The following IRS1 variants were observed in gnomAD, a reference collection of about 807,000 sequenced individuals.
IRS1 encodes insulin receptor substrate 1.
A neutral mutation model predicts 65.6 loss-of-function variants in IRS1; 34 were observed. That is an observed-to-expected ratio of 0.52 (90% CI 0.39 to 0.69). The LOEUF (loss-of-function observed/expected upper bound fraction) is 0.69. Among genes scored for constraint, IRS1 ranks in the 30% least tolerant of loss-of-function variants. The pLI, the probability that IRS1 is intolerant of heterozygous loss-of-function variation, is 0.00. For missense variants in IRS1, 1,641 were observed against 1,720.2 expected, an observed-to-expected ratio of 0.95 and a Z score of 0.81; for synonymous variants, 699 against 683.5, an observed-to-expected ratio of 1.02 and a Z score of -0.35.
At chr2:226,736,960 A>G (rs1177865171) in intron 1 of IRS1, among the ~76,000 whole-genome samples, 2 of 151,604 alleles carry the variant, frequency 1.3e-5, no homozygotes, top group South Asian at 4.2e-4. Flanking sequence ...TTATTATTAT[A>G]CTTTAAGTTT....
chr2:226,765,255 T>C (rs1939009901), intron 1 of IRS1, among the ~76,000 whole-genome samples: 1 of 152,286 alleles, frequency 6.6e-6, no homozygotes, highest in African/African-American at 2.4e-5. Context: ...CATATTCTTT[T>C]CTTAGAAAAA....
chr2:226,789,617 C>A (rs565194806), intron 1 of IRS1, among the ~76,000 whole-genome samples: 1 of 152,176 alleles, frequency 6.6e-6, no homozygotes, highest in Non-Finnish European at 1.5e-5. Context: ...CACAAACACA[C>A]CACCCCTGAA....
rs780282946 is a variant in IRS1 at position 226,798,459 on chromosome 2, C to T, written c.280G>A (p.Ala94Thr). ...TCGGCCTCGCTGTCCGCCGCGATGG[C>T]AAAGTGCTCGTCCCGGGTGTAGAGA... Reference protein sequence around the residue: ...VALYTRDEHFAIAADSEAEQD... With the variant: ...VALYTRDEHFTIAADSEAEQD... The change falls in exon 1 of 2, where the codon GCC becomes ACC. Residue 94 changes from alanine (A) to threonine (T), a missense_variant. By Grantham distance (58) the Ala-to-Thr change is moderately conservative. This residue lies in a region of IRS1 where 240 missense variants were observed against 229.6 expected (regional missense o/e 1.05). Transcript: ENST00000305123. This position sits in a 1 kb window ranked among gnomAD's most constrained non-coding sequence, Gnocchi z 9.4. 3 of 1,614,164 alleles carry T rather than the reference C, an allele frequency of 1.9e-6. No homozygotes were observed. The Admixed American group carries it at 5.0e-5, about 27-fold the overall frequency.
intron 1 of IRS1, among the ~76,000 whole-genome samples, chr2:226,745,147 A>G (rs1938514167): frequency 6.6e-6 from 1 of 152,226 alleles, no homozygotes; most frequent in African/African-American, 2.4e-5. Flanking sequence ...ACAAAAGTCA[A>G]TGTAAAAGGA....
rs1235661843 is a variant in IRS1, at chr2:226,797,641, G to T, written c.1098C>A (p.His366Gln). 5 of 1,590,688 alleles carry T rather than the reference G, an allele frequency of 3.1e-6. No homozygotes were observed. Among genetic ancestry groups the T allele is most frequent in the Middle Eastern group, 1.7e-4 (1 of 6,002 alleles). The change falls in exon 1 of 2, where the codon CAC becomes CAA. Residue 366 changes from histidine (H) to glutamine (Q), a missense_variant. By Grantham distance (24) the His-to-Gln change is conservative. Around this residue, in one of 3 missense-constraint regions of IRS1, gnomAD observed 1,324 missense variants for 1,361.0 expected, o/e 0.97. Coordinates refer to ENST00000305123, the MANE Select transcript of IRS1 (RefSeq NM_005544.3). This position sits in a 1 kb window ranked among gnomAD's most constrained non-coding sequence, Gnocchi z 8.1. Reference sequence around the variant, plus strand: ...TGGAGCGGCTGTGGTTGAGCGGGGGGTGCAGCCGGGCGCTGCCCCGATGCC... The same window carrying T: ...TGGAGCGGCTGTGGTTGAGCGGGGGTTGCAGCCGGGCGCTGCCCCGATGCC... ...AHRHRGSARL[H>Q]PPLNHSRSIP...
rs1296318189 is a variant in IRS1, at chr2:226,797,830, T to A, written c.909A>T (p.Ser303=). 2 of 1,605,924 alleles carry A rather than the reference T, an allele frequency of 1.2e-6. No homozygotes were observed. The highest frequency in any genetic ancestry group is 1.7e-6 in the Non-Finnish European group (2 of 1,177,302). The stretch of plus-strand genomic sequence containing the variant: ...AGGTGGCGGTGATGCTCTCAGTGCG[T>A]GATCGGCGGGTCAGCCCCACCTGGC... ...PPSQVGLTRR[S]RTESITATSP... Residue 303 remains serine (S), a synonymous_variant, in exon 1 of 2, where the codon TCA becomes TCT. Coordinates refer to ENST00000305123, the MANE Select transcript of IRS1 (RefSeq NM_005544.3). The surrounding 1 kb of genome is among the most constrained non-coding windows in gnomAD (Gnocchi z 8.1).
At chr2:226,748,077 C>G (rs527960054) in intron 1 of IRS1, among the ~76,000 whole-genome samples, 51 of 151,388 alleles carry the variant, frequency 3.4e-4, no homozygotes, top group African/African-American at 1.2e-3. Flanking sequence ...ACATTACTTA[C>G]GTGACCCATT....
In IRS1 at chr2:226,794,465, G is replaced by C. The variant is rs1003216378; in HGVS notation, c.*21+524C>G. On this transcript the variant is annotated intron_variant, in intron 1 of 1. Transcript: ENST00000305123. The surrounding 1 kb of genome is among the most constrained non-coding windows in gnomAD (Gnocchi z 4.1). The stretch of plus-strand genomic sequence containing the variant: ...GGATGAATAGAAATCAATGCTTCCC[G>C]CTGCTGTTTATGTTGCCCTAGTATT... Among the ~76,000 whole-genome samples the C allele has an allele frequency of 1.3e-5, 2 of 152,134 alleles. No homozygotes were observed. Among genetic ancestry groups the C allele is most frequent in the South Asian group, 4.1e-4 (2 of 4,828 alleles).
Position 226,797,625 on chromosome 2 carries a change from T to A in IRS1, c.1114A>T (p.Ser372Cys), listed in dbSNP as rs1939767175. 2 of 1,589,388 alleles carry A rather than the reference T, an allele frequency of 1.3e-6. No homozygotes were observed. Among genetic ancestry groups the A allele is most frequent in the Non-Finnish European group, 1.7e-6 (2 of 1,173,164 alleles). Residue 372 changes from serine to cysteine, a missense_variant, in exon 1 of 2, where the codon AGC (serine) becomes TGC (cysteine). By Grantham distance (112) the Ser-to-Cys change is moderately radical (BLOSUM62 -1). Transcript: ENST00000305123. This position sits in a 1 kb window ranked among gnomAD's most constrained non-coding sequence, Gnocchi z 8.1. Reference sequence around the variant, plus strand: ...GAAGCCGGCATGGGGATGGAGCGGCTGTGGTTGAGCGGGGGGTGCAGCCGG... The same window carrying A: ...GAAGCCGGCATGGGGATGGAGCGGCAGTGGTTGAGCGGGGGGTGCAGCCGG... Reference protein sequence around the residue: ...SARLHPPLNHSRSIPMPASRC... With the variant: ...SARLHPPLNHCRSIPMPASRC...
rs1243784659 is a variant in IRS1, at chr2:226,732,522, GTGTGTATATATATCTATATA to G, written c.*3730_*3749del. ...CACACACATATGTGTATCTATATAT[GTGTGTATATATATCTATATA>G]TGTGTATATATATCTATATATGTGT... is the stretch of plus-strand genomic sequence containing the variant. On this transcript the variant is annotated 3_prime_UTR_variant, in exon 2 of 2. Coordinates refer to ENST00000305123, the MANE Select transcript of IRS1 (RefSeq NM_005544.3). The G allele has an allele frequency of 1.1e-3, 154 of 144,204 alleles. No homozygotes were observed. The Middle Eastern group carries it at 0.019, about 17-fold the overall frequency. The allele number at this position is 144,204 out of a possible 1,614,324, so 8.9% of individuals were successfully genotyped here. A position where few individuals can be genotyped will look rare whatever the true frequency, so the allele number is the denominator to read the frequency against.
chr2:226,774,369 T>C (rs1374004380), intron 1 of IRS1, among the ~76,000 whole-genome samples: 1 of 152,190 alleles, frequency 6.6e-6, no homozygotes, highest in East Asian at 1.9e-4. Context: ...TATAAAGTTC[T>C]GTCTCTGAAA....
intron 1 of IRS1, among the ~76,000 whole-genome samples, chr2:226,774,501 A>G (rs1939230754): frequency 6.6e-6 from 1 of 152,202 alleles, no homozygotes; most frequent in Non-Finnish European, 1.5e-5. Flanking sequence ...ATGTTGGACA[A>G]TTTGGGGGAG....
rs1938308355 is a variant in IRS1, at chr2:226,735,500, TTAAGATTAATTCTTA to T, written c.*757_*771del. 1 of 152,512 alleles carries T rather than the reference TTAAGATTAATTCTTA, an allele frequency of 6.6e-6. No individual in the cohort carries two copies. Among genetic ancestry groups the T allele is most frequent in the Non-Finnish European group, 1.5e-5 (1 of 68,032 alleles). 9.4% of individuals were successfully genotyped at this position (152,512 alleles called of 1,614,324 possible). Reference sequence around the variant, plus strand: ...TTGTCTTACAGGAAAAAATACAAAATTAAGATTAATTCTTATAAGGAACTCAGCTCAACATCAGGT... The same window carrying T: ...TTGTCTTACAGGAAAAAATACAAAATTAAGGAACTCAGCTCAACATCAGGT... On this transcript the variant is annotated 3_prime_UTR_variant, in exon 2 of 2. Transcript: ENST00000305123.
rs2106189485 is a variant in IRS1, at chr2:226,799,770, A to T, written c.-1032T>A. The T allele has an allele frequency of 4.0e-6, 4 of 996,896 alleles. No homozygotes were observed. In the South Asian group the frequency reaches 1.9e-4, roughly 47 times the overall value. The allele number at this position is 996,896 out of a possible 1,614,324, so 61.8% of individuals were successfully genotyped here. On this transcript the variant is annotated 5_prime_UTR_variant, in exon 1 of 2. Transcript: ENST00000305123. This position sits in a 1 kb window ranked among gnomAD's most constrained non-coding sequence, Gnocchi z 6.1. ...CCGACCGCGCCGCCGTCTCACTCGG[A>T]GGAGAAAAACACGTGACGGAGCCTC...
At chr2:226,765,884 C>G (rs920544629) in intron 1 of IRS1, among the ~76,000 whole-genome samples, 2 of 151,486 alleles carry the variant, frequency 1.3e-5, no homozygotes, top group African/African-American at 4.9e-5. Context: ...GGGAATAAAG[C>G]TGAAATATAT....
intron 1 of IRS1, among the ~76,000 whole-genome samples, chr2:226,772,215 T>C (rs1939179620): frequency 6.6e-6 from 1 of 152,156 alleles, no homozygotes; most frequent in Non-Finnish European, 1.5e-5. Context: ...TGGTGGGATA[T>C]AACTCAAACC....
In IRS1 at chr2:226,738,456, T is replaced by C. The variant is rs1443245639; in HGVS notation, c.*22-2206A>G. The stretch of plus-strand genomic sequence containing the variant: ...TCTATTTATTTTTAAATATTAACTC[T>C]GCCTCTAAAAGACAGGTAAACAAAC... On this transcript the variant is annotated intron_variant, in intron 1 of 1. Transcript: ENST00000305123. Among the ~76,000 whole-genome samples, 3 of 152,192 alleles carry C rather than the reference T, an allele frequency of 2.0e-5. No individual in the cohort carries two copies. In the East Asian group the frequency reaches 5.8e-4, roughly 29 times the overall value.
intron 1 of IRS1, among the ~76,000 whole-genome samples, chr2:226,769,002 TAAC>T (rs1353099153): frequency 2.0e-5 from 3 of 152,214 alleles, no homozygotes; most frequent in African/African-American, 4.8e-5. Flanking sequence ...ACCCATTCTC[TAAC>T]AACAATGTTG....
chr2:226,762,236 T>C (rs1489423971), intron 1 of IRS1, among the ~76,000 whole-genome samples: 1 of 152,110 alleles, frequency 6.6e-6, no homozygotes, highest in Non-Finnish European at 1.5e-5. Flanking sequence ...TCACTTGGAA[T>C]CTCTGGCCAG....
Sources: allele counts gnomAD v4.1 joint callset (sites outside exome capture counted in the v4.1 genomes callset), GRCh38; gene constraint gnomAD v4.1.1; regional missense constraint gnomAD v4.1.1; non-coding constraint Gnocchi (gnomAD v3.1); transcripts MANE v1.5; gene names NCBI Gene and HGNC (gene_info 2026-07-23, HGNC 2026-07-21).